Variants in FGF12 observed in about 807,000 individuals in gnomAD.
The protein encoded by FGF12 is fibroblast growth factor 12.
A neutral mutation model predicts 23.6 loss-of-function variants in FGF12; 14 were observed. That is an observed-to-expected ratio of 0.59 (90% CI 0.39 to 0.93). FGF12 has a LOEUF of 0.93. Among genes scored for constraint, FGF12 ranks in the 40% least tolerant of loss-of-function variants. FGF12 has a pLI of 0.00. For missense variants in FGF12, 175 were observed against 217.8 expected (o/e 0.80, Z 1.24); for synonymous variants, 62 against 77.3 (o/e 0.80, Z 1.04).
intron 5 of FGF12, among the ~76,000 whole-genome samples, chr3:192,160,148 T>C (rs1170937778): frequency 1.3e-5 from 2 of 152,188 alleles, no homozygotes; most frequent in African/African-American, 4.8e-5. Flanking sequence ...CCTCTAGTTA[T>C]AAAACCCTAG....
intron 2 of FGF12, among the ~76,000 whole-genome samples, chr3:192,453,072 T>C (rs1426568736): frequency 2.0e-5 from 3 of 152,198 alleles, no homozygotes; most frequent in African/African-American, 7.2e-5. Context: ...AGCTTAGATA[T>C]TTATTGTGTC....
chr3:192,478,750 A>C (rs1050520276), intron 2 of FGF12, among the ~76,000 whole-genome samples: 1 of 152,344 alleles, frequency 6.6e-6, no homozygotes, highest in South Asian at 2.1e-4. Flanking sequence ...AATTCTTTTA[A>C]AAACTATCAT....
At chr3:192,709,411 T>C (rs1718591888) in intron 2 of FGF12, among the ~76,000 whole-genome samples, 1 of 152,218 alleles carries the variant, frequency 6.6e-6, no homozygotes. Flanking sequence ...TAGAGGTCTT[T>C]AAAATCAGTA....
chr3:192,685,686 A>C (rs1337804375), intron 2 of FGF12, among the ~76,000 whole-genome samples: 1 of 152,176 alleles, frequency 6.6e-6, no homozygotes, highest in Non-Finnish European at 1.5e-5. Context: ...GAAAACCGGA[A>C]GGATGGAAGA....
At chr3:192,375,683 AC>A (rs940661954) in intron 2 of FGF12, among the ~76,000 whole-genome samples, 2 of 147,456 alleles carry the variant, frequency 1.4e-5, no homozygotes, top group East Asian at 4.3e-4. Context: ...CCCAGACTCA[AC>A]CCCCTCTTTG....
chr3:192,724,174 C>T (rs1038752729), intron 2 of FGF12, among the ~76,000 whole-genome samples: 1 of 152,052 alleles, frequency 6.6e-6, no homozygotes, highest in Non-Finnish European at 1.5e-5. Context: ...AATCATGCTT[C>T]TCAAACATTA....
At chr3:192,479,499 T>G (rs919294145) in intron 2 of FGF12, among the ~76,000 whole-genome samples, 5 of 151,956 alleles carry the variant, frequency 3.3e-5, no homozygotes, top group African/African-American at 1.2e-4. Context: ...CTATTTTCTC[T>G]TTCACCAAAC....
intron 2 of FGF12, among the ~76,000 whole-genome samples, chr3:192,376,419 A>G (rs559246009): frequency 6.6e-6 from 1 of 151,906 alleles, no homozygotes; most frequent in South Asian, 2.1e-4. Context: ...CTAGAGTGCA[A>G]TGGCGTGATC....
chr3:192,412,202 ACCCTGCGCC>A (rs1721219628), intron 2 of FGF12, among the ~76,000 whole-genome samples: 1 of 152,122 alleles, frequency 6.6e-6, no homozygotes, highest in African/African-American at 2.4e-5. Context: ...GTGCACCGCC[ACCCTGCGCC>A]CCCTATAAAA....
Position 192,228,850 on chromosome 3 carries a change from G to A in FGF12, c.229-58194C>T, listed in dbSNP as rs566247757. Among the ~76,000 whole-genome samples the A allele has an allele frequency of 1.2e-4, 19 of 152,116 alleles. 1 individual carries two copies. Among genetic ancestry groups the A allele is most frequent in the Middle Eastern group, 3.4e-3 (1 of 294 alleles). On this transcript the variant is annotated intron_variant, in intron 4 of 5. Coordinates refer to ENST00000445105, the MANE Select transcript of FGF12 (RefSeq NM_004113.6). ...TATTCCGTACAACTTTTAATACTGCGTCTGAGGAAAAACAGAGGGAAACTA... is the reference window on the plus strand; with the variant it reads ...TATTCCGTACAACTTTTAATACTGCATCTGAGGAAAAACAGAGGGAAACTA...
chr3:192,453,514 A>G (rs1722588177), intron 2 of FGF12, among the ~76,000 whole-genome samples: 1 of 152,226 alleles, frequency 6.6e-6, no homozygotes, highest in Non-Finnish European at 1.5e-5. Flanking sequence ...TCTATCTAAT[A>G]TCTTTACATT....
intron 2 of FGF12, among the ~76,000 whole-genome samples, chr3:192,578,824 G>A (rs888060280): frequency 3.3e-5 from 5 of 152,144 alleles, no homozygotes; most frequent in African/African-American, 4.8e-5. Flanking sequence ...TCCTGTTATT[G>A]CAAAGCGAGT....
intron 4 of FGF12, among the ~76,000 whole-genome samples, chr3:192,247,033 GA>G (rs1189906194): frequency 2.7e-4 from 1 of 3,690 alleles, no homozygotes; most frequent in East Asian, 1.9e-3. Context: ...GGGAAGGAAA[GA>G]AGGAAGGAAG....
chr3:192,272,025 C>T (rs116548710), intron 4 of FGF12, among the ~76,000 whole-genome samples: 78 of 152,142 alleles, frequency 5.1e-4, no homozygotes, highest in African/African-American at 1.8e-3. Context: ...TCTGGGAAGA[C>T]AGGAGAGGGA....
intron 2 of FGF12, among the ~76,000 whole-genome samples, chr3:192,712,275 AAT>A (rs1718713879): frequency 6.6e-6 from 1 of 151,832 alleles, no homozygotes. Flanking sequence ...ACAAAACAAC[AAT>A]AACAAAAAAA....
intron 2 of FGF12, among the ~76,000 whole-genome samples, chr3:192,510,102 G>A (rs887839509): frequency 3.9e-5 from 6 of 152,166 alleles, no homozygotes; most frequent in African/African-American, 1.2e-4. Context: ...AGAACCTGAG[G>A]TGAGTTGTGC....
At chr3:192,238,609 T>C (rs1719430520) in intron 4 of FGF12, 1 of 152,246 alleles carries the variant, frequency 6.6e-6, no homozygotes, top group South Asian at 2.1e-4. Context: ...TTATTTTATT[T>C]GATGTGCCAC....
At chr3:192,279,474 A>G (rs1414456338) in intron 4 of FGF12, among the ~76,000 whole-genome samples, 2 of 152,130 alleles carry the variant, frequency 1.3e-5, no homozygotes, top group Non-Finnish European at 2.9e-5. Context: ...AGTCACTATT[A>G]TATTCCCCAT....
At position 192,409,214 on chromosome 3, in the gene FGF12, A is replaced by G. The variant is rs1242720937; in HGVS notation, c.14-48676T>C. ...TTGCTTTCCGGCACGAGACGGGCAC[A>G]GTTGGTGATTATTTAGGGAATCCTA... On this transcript the variant is annotated intron_variant, in intron 2 of 5. Coordinates refer to ENST00000445105, the MANE Select transcript of FGF12 (RefSeq NM_004113.6). The surrounding 1 kb of genome is among the most constrained non-coding windows in gnomAD (Gnocchi z 4.8). Among the ~76,000 whole-genome samples, 1 of 152,196 alleles carries G rather than the reference A, an allele frequency of 6.6e-6. No individual in the cohort carries two copies.
Sources: gnomAD v4.1 joint callset for allele counts (sites outside exome capture counted in the v4.1 genomes callset) on GRCh38, gnomAD v4.1.1 for gene constraint, Gnocchi (gnomAD v3.1) non-coding constraint, MANE v1.5 for transcripts, NCBI Gene and HGNC (gene_info 2026-07-23, HGNC 2026-07-21) for gene names.